Variants in ADAMTS12 observed in about 807,000 individuals in gnomAD.
ADAMTS12 encodes the protein A disintegrin and metalloproteinase with thrombospondin motifs 12.
ADAMTS12 carries 118 observed loss-of-function variants against 167.8 expected under a neutral mutation model. That is an observed-to-expected ratio of 0.70 (90% CI 0.61 to 0.82). The LOEUF is 0.82. Ranked by LOEUF, ADAMTS12 falls within the 40% of genes least tolerant of loss-of-function variation. ADAMTS12 has a pLI of 0.00. For synonymous variants in ADAMTS12, 704 were observed against 716.9 expected, an observed-to-expected ratio of 0.98 and a Z score of 0.29; for missense variants, 1,916 against 1,998.8, an observed-to-expected ratio of 0.96 and a Z score of 0.79.
intron 2 of ADAMTS12, among the ~76,000 whole-genome samples, chr5:33,843,326 C>G (rs958763321): frequency 2.0e-5 from 3 of 152,062 alleles, no homozygotes; most frequent in Non-Finnish European, 2.9e-5. Context: ...CCTGAGCAAG[C>G]TAAGGTGGAC....
In ADAMTS12 at chr5:33,745,700, AAAG is replaced by A. The variant is rs536148228; in HGVS notation, c.634+5701_634+5703del. 1.8e-4 allele frequency among the ~76,000 whole-genome samples: 27 copies of A among 152,302 alleles called. No homozygotes were observed. The South Asian group carries it at 2.5e-3, about 14-fold the overall frequency. On this transcript the variant is annotated intron_variant, in intron 3 of 23. Transcript: ENST00000504830. ...AGACTATCCAGTGCTGAGGAAATGC[AAAG>A]AAGAAGATTATTTGCATGAAGGCTG...
At chr5:33,842,583 T>G (rs2111602682) in intron 2 of ADAMTS12, among the ~76,000 whole-genome samples, 1 of 152,332 alleles carries the variant, frequency 6.6e-6, no homozygotes, top group East Asian at 1.9e-4. Flanking sequence ...AGCACAAAGC[T>G]TACTTAATAT....
intron 2 of ADAMTS12, among the ~76,000 whole-genome samples, chr5:33,814,668 TC>T (rs1747583128): frequency 1.3e-5 from 2 of 152,074 alleles, no homozygotes; most frequent in Non-Finnish European, 2.9e-5. Flanking sequence ...AATCCTAGGA[TC>T]CTTCAACATT....
intron 3 of ADAMTS12, among the ~76,000 whole-genome samples, chr5:33,705,594 C>T (rs879833990): frequency 2.2e-4 from 33 of 152,228 alleles, no homozygotes; most frequent in Admixed American, 2.0e-4. Context: ...GAGTAGATCA[C>T]ATGAGGTCAG....
At chr5:33,638,834 T>G (rs1740312634) in intron 11 of ADAMTS12, among the ~76,000 whole-genome samples, 1 of 152,190 alleles carries the variant, frequency 6.6e-6, no homozygotes, top group Admixed American at 6.5e-5. Flanking sequence ...TTCTTTCCTT[T>G]GTGATACACC....
intron 3 of ADAMTS12, among the ~76,000 whole-genome samples, chr5:33,692,994 T>C (rs1742607438): frequency 6.6e-6 from 1 of 152,154 alleles, no homozygotes; most frequent in Admixed American, 6.5e-5. Flanking sequence ...AGCAAGAAAA[T>C]TCTGGGTGAT....
At chr5:33,665,719 C>T (rs1403123974) in intron 5 of ADAMTS12, among the ~76,000 whole-genome samples, 1 of 152,064 alleles carries the variant, frequency 6.6e-6, no homozygotes, top group Non-Finnish European at 1.5e-5. Flanking sequence ...AGAAGAGACC[C>T]AAGGCCAGCA....
intron 2 of ADAMTS12, among the ~76,000 whole-genome samples, chr5:33,789,352 C>G (rs10051316): frequency 0.05 from 7,600 of 152,320 alleles, 685 homozygotes; most frequent in African/African-American, 0.17. Flanking sequence ...TGGCCTCCCC[C>G]AGGGCTGAGA....
At chr5:33,618,746 A>G (rs1739155102) in intron 14 of ADAMTS12, among the ~76,000 whole-genome samples, 1 of 152,032 alleles carries the variant, frequency 6.6e-6, no homozygotes, top group Non-Finnish European at 1.5e-5. Flanking sequence ...CATATTCACA[A>G]TCTCTTTCAC....
intron 10 of ADAMTS12, among the ~76,000 whole-genome samples, chr5:33,642,777 C>T (rs1359437629): frequency 3.3e-5 from 5 of 151,974 alleles, no homozygotes; most frequent in South Asian, 2.1e-4. Flanking sequence ...GTATTTTGCC[C>T]GGGTTCTGTA....
intron 3 of ADAMTS12, among the ~76,000 whole-genome samples, chr5:33,747,482 G>A (rs1423482): frequency 0.12 from 18,186 of 152,084 alleles, 1,123 homozygotes; most frequent in Admixed American, 0.17. Flanking sequence ...TGCATTATCT[G>A]TTAAAGTCAT....
intron 2 of ADAMTS12, among the ~76,000 whole-genome samples, chr5:33,798,533 C>T (rs565311892): frequency 2.7e-5 from 4 of 149,654 alleles, no homozygotes; most frequent in African/African-American, 9.9e-5. Flanking sequence ...CTCCGCCTCC[C>T]GGGTTTAAGT....
chr5:33,617,803 A>C (rs968174306), intron 14 of ADAMTS12, among the ~76,000 whole-genome samples: 96 of 151,736 alleles, frequency 6.3e-4, no homozygotes, highest in Non-Finnish European at 5.7e-4. Context: ...GAAAAAAAAA[A>C]CAATAAATAA....
At chr5:33,680,219 G>T (rs1452609992) in intron 5 of ADAMTS12, among the ~76,000 whole-genome samples, 3 of 152,224 alleles carry the variant, frequency 2.0e-5, no homozygotes, top group Non-Finnish European at 4.4e-5. Context: ...CAGGTTGGTA[G>T]AGAAGAGGAG....
Position 33,777,486 on chromosome 5 carries a change from A to C in ADAMTS12, c.490-25938T>G, listed in dbSNP as rs990777223. On this transcript the variant is annotated intron_variant, in intron 2 of 23. Coordinates refer to ENST00000504830, the MANE Select transcript of ADAMTS12 (RefSeq NM_030955.4). ...CATTTGAAAATATTCAACATCCTTCATGACAAAAACTCTCAATAAATTGGG... is the reference window on the plus strand; with the variant it reads ...CATTTGAAAATATTCAACATCCTTCCTGACAAAAACTCTCAATAAATTGGG... Among the ~76,000 whole-genome samples the C allele has an allele frequency of 1.5e-4, 22 of 151,484 alleles. No homozygotes were observed. The East Asian group carries it at 4.3e-3, about 29-fold the overall frequency.
At chr5:33,767,116 G>A (rs1414989637) in intron 2 of ADAMTS12, among the ~76,000 whole-genome samples, 1 of 152,092 alleles carries the variant, frequency 6.6e-6, no homozygotes, top group Non-Finnish European at 1.5e-5. Flanking sequence ...AATAAAAAAT[G>A]TGTTACATTT....
intron 2 of ADAMTS12, among the ~76,000 whole-genome samples, chr5:33,877,808 A>C (rs187989278): frequency 3.9e-5 from 6 of 152,264 alleles, no homozygotes; most frequent in Admixed American, 3.3e-4. Context: ...GTTTGAAATC[A>C]TCTGAGTCTG....
intron 5 of ADAMTS12, among the ~76,000 whole-genome samples, chr5:33,679,356 G>C (rs1417762734): frequency 6.6e-6 from 1 of 152,086 alleles, no homozygotes; most frequent in Non-Finnish European, 1.5e-5. Flanking sequence ...AGGTTTAATT[G>C]GCTCACAGTT....
rs1299701495 is a variant in ADAMTS12 at position 33,571,323 on chromosome 5, C to A, written c.3972+4731G>T. ...TTTCAGCACCACACCACACCTATTCCAAAATTGACCACATACTTGGAAGTA... is the reference window on the plus strand; with the variant it reads ...TTTCAGCACCACACCACACCTATTCAAAAATTGACCACATACTTGGAAGTA... On this transcript the variant is annotated intron_variant, in intron 19 of 23. Transcript: ENST00000504830. Among the ~76,000 whole-genome samples, 10 of 152,048 alleles carry A rather than the reference C, an allele frequency of 6.6e-5. No homozygotes were observed. The East Asian group carries it at 1.9e-3, about 29-fold the overall frequency.
Sources: gnomAD v4.1 joint callset for allele counts (sites outside exome capture counted in the v4.1 genomes callset) on GRCh38, gnomAD v4.1.1 for gene constraint, MANE v1.5 for transcripts, NCBI Gene and HGNC (gene_info 2026-07-23, HGNC 2026-07-21) for gene names.